CLCC1: variants seen among roughly 807,000 people sequenced by gnomAD.
CLCC1 encodes chloride channel CLIC-like protein 1.
In CLCC1, 39 loss-of-function variants were observed where a neutral mutation model predicts 63.3. The ratio of observed to expected loss-of-function variants is 0.62; its 90% CI spans 0.48 to 0.81. The LOEUF (loss-of-function observed/expected upper bound fraction) is 0.81. Ranked by LOEUF, CLCC1 falls within the 30% of genes least tolerant of loss-of-function variation. The pLI is 0.00. For synonymous variants in CLCC1, 217 were observed against 239.8 expected (o/e 0.90, Z 0.88); for missense variants, 549 against 669.4 (o/e 0.82, Z 1.98).
rs1034057380 is a variant in CLCC1, at chr1:108,963,446, G to C, written c.-258C>G. The C allele has an allele frequency of 2.8e-6, 2 of 702,250 alleles. No homozygotes were observed. The allele number at this position is 702,250 out of a possible 1,614,324, so 43.5% of individuals were successfully genotyped here. On this transcript the variant is annotated 5_prime_UTR_variant, in exon 1 of 13. Coordinates refer to ENST00000369969, the MANE Select transcript of CLCC1 (RefSeq NM_001377458.1). ...GTCGCACAGCTTGCCGCCGCCCAGGGTTTCAGCGTGCTTCCTGGGCCTCGT... is the reference window on the plus strand; with the variant it reads ...GTCGCACAGCTTGCCGCCGCCCAGGCTTTCAGCGTGCTTCCTGGGCCTCGT...
chr1:108,963,328 C>G (rs752943779), intron 1 of CLCC1, 33 bp downstream of exon 1: 45 of 691,830 alleles, frequency 6.5e-5, no homozygotes, highest in Non-Finnish European at 1.9e-5. Flanking sequence ...CCGCCCCACC[C>G]GCCGCACAAC....
rs1261711517 is a variant in CLCC1, at chr1:108,947,652, A to G, written c.298T>C (p.Tyr100His). 10 of 1,612,436 alleles carry G rather than the reference A, an allele frequency of 6.2e-6. No homozygotes were observed. Among genetic ancestry groups the G allele is most frequent in the East Asian group, 2.2e-5 (1 of 44,854 alleles). The change falls in exon 5 of 13, where the codon TAC (tyrosine) becomes CAC (histidine). Residue 100 changes from tyrosine to histidine, a missense_variant. Coordinates refer to ENST00000369969, the MANE Select transcript of CLCC1 (RefSeq NM_001377458.1). ...GCTTCAATTAAAATCTTATTTAAGT[A>G]TCTCCTAAAAACAGGATTGCTTTGA... The part of the protein sequence containing the change: ...ESQSNPVFRR[Y>H]LNKILIEAGK...
At chr1:108,963,311 G>A in intron 1 of CLCC1, 50 bp downstream of exon 1, 1 of 683,868 alleles carries the variant, frequency 1.5e-6, no homozygotes, top group Non-Finnish European at 2.7e-6. Context: ...GCGTAACGGC[G>A]GGTAACCCGC....
intron 2 of CLCC1, among the ~76,000 whole-genome samples, chr1:108,958,080 G>A (rs975652185): frequency 1.3e-5 from 2 of 151,336 alleles, no homozygotes; most frequent in Non-Finnish European, 2.9e-5. Flanking sequence ...GAGGTCAGGC[G>A]ATCAGAGGGC....
At chr1:108,945,238 A>C (rs145912149) in intron 5 of CLCC1, among the ~76,000 whole-genome samples, 144 of 152,262 alleles carry the variant, frequency 9.5e-4, no homozygotes, top group African/African-American at 3.3e-3. Flanking sequence ...GCCTTCTTGC[A>C]CTTAGAAACA....
rs559803459 is a variant in CLCC1, at chr1:108,947,892, C to G, written c.232-174G>C. 8.1e-4 allele frequency among the ~76,000 whole-genome samples: 123 copies of G among 152,302 alleles called. 2 individuals are homozygous for G. Among genetic ancestry groups the G allele is most frequent in the African/African-American group, 2.9e-3 (120 of 41,558 alleles). On this transcript the variant is annotated intron_variant, in intron 4 of 12. Coordinates refer to ENST00000369969, the MANE Select transcript of CLCC1 (RefSeq NM_001377458.1). ...CAGAGCTGGCCTGCTTCCCCATGTT[C>G]TCTTTGCAAAGGGCAAGTAGGCAAC...
intron 2 of CLCC1, 36 bp from the exon 3 acceptor site, chr1:108,950,484 T>C (rs142759665): frequency 7.6e-6 from 9 of 1,181,784 alleles, no homozygotes; most frequent in African/African-American, 1.6e-5. Flanking sequence ...TGAAATAGAA[T>C]TATTTTTTTA....
intron 1 of CLCC1, among the ~76,000 whole-genome samples, chr1:108,962,870 CA>C (rs34375249): frequency 2.0e-3 from 272 of 133,890 alleles, no homozygotes; most frequent in African/African-American, 3.8e-3. Context: ...GACTCCGTCT[CA>C]AAAAAAAAAA....
At position 108,932,218 on chromosome 1, in the gene CLCC1, G is replaced by A. The variant is rs1388825478; in HGVS notation, c.*329C>T. 1.2e-4 allele frequency: 18 copies of A among 152,316 alleles called. No homozygotes were observed. Among genetic ancestry groups the A allele is most frequent in the South Asian group, 4.1e-4 (2 of 4,830 alleles). 9.4% of individuals were successfully genotyped at this position (152,316 alleles called of 1,614,324 possible). A position where few individuals can be genotyped will look rare whatever the true frequency, so the allele number is the denominator to read the frequency against. ...GAACCTGGGAGGTGGAGGTTGCAGTGAGCCGAGATTGTACCACCTCACTCC... is the reference window on the plus strand; with the variant it reads ...GAACCTGGGAGGTGGAGGTTGCAGTAAGCCGAGATTGTACCACCTCACTCC... On this transcript the variant is annotated 3_prime_UTR_variant, in exon 13 of 13. Coordinates refer to ENST00000369969, the MANE Select transcript of CLCC1 (RefSeq NM_001377458.1).
intron 2 of CLCC1, among the ~76,000 whole-genome samples, chr1:108,961,143 A>G (rs973977262): frequency 6.6e-6 from 1 of 152,216 alleles, no homozygotes; most frequent in Non-Finnish European, 1.5e-5. Flanking sequence ...AAGACAGAAT[A>G]GAAGAATCAG....
At chr1:108,949,716 C>T (rs1654956763) in intron 4 of CLCC1, 104 bp downstream of exon 4, 3 of 579,312 alleles carry the variant, frequency 5.2e-6, no homozygotes, top group South Asian at 3.6e-5. Flanking sequence ...AAAAATCATA[C>T]GGTACACGGA....
At chr1:108,963,269 G>A in intron 1 of CLCC1, 92 bp downstream of exon 1, 2 of 652,448 alleles carry the variant, frequency 3.1e-6, no homozygotes, top group African/African-American at 1.8e-5. Flanking sequence ...CCTCCCCAGC[G>A]TCTGCGCCGC....
intron 12 of CLCC1, 157 bp downstream of exon 12, chr1:108,934,468 T>C (rs1263122078): frequency 3.6e-6 from 2 of 549,874 alleles, no homozygotes; most frequent in Non-Finnish European, 3.1e-6. Context: ...AAAGAGAAGA[T>C]GAAATGAAAA....
rs1418795313 is a variant in CLCC1 at position 108,943,393 on chromosome 1, A to G, written c.702+82T>C. 1.5e-5 allele frequency: 22 copies of G among 1,435,550 alleles called. No homozygotes were observed. The South Asian group carries it at 2.2e-4, about 14-fold the overall frequency. 88.9% of individuals were successfully genotyped at this position (1,435,550 alleles called of 1,614,324 possible). ...ACTGCCTCCAACCCACATCCAAGGC[A>G]AGATTGCTCTCAATGGATTAGAGTC... On this transcript the variant is annotated intron_variant, in intron 7 of 12. Transcript: ENST00000369969.
intron 2 of CLCC1, among the ~76,000 whole-genome samples, chr1:108,953,376 G>A (rs866811): frequency 0.57 from 87,158 of 152,006 alleles, 25,422 homozygotes; most frequent in African/African-American, 0.68. Flanking sequence ...AGGAGCTTCT[G>A]AAACTCCCAA....
At chr1:108,958,272 A>G (rs1656168944) in intron 2 of CLCC1, among the ~76,000 whole-genome samples, 1 of 151,442 alleles carries the variant, frequency 6.6e-6, no homozygotes, top group Admixed American at 6.5e-5. Context: ...GCAGTCTGAA[A>G]ATATTAAATG....
At chr1:108,937,465 T>TA in intron 10 of CLCC1, 47 bp from the exon 11 acceptor site, 6 of 1,442,898 alleles carry the variant, frequency 4.2e-6, no homozygotes, top group Non-Finnish European at 5.6e-6. Flanking sequence ...ATGGCTAACT[T>TA]ACAAAAGTTA....
rs200641997 is a variant in CLCC1 at position 108,937,305 on chromosome 1, A to G, written c.1155T>C (p.Ile385=). The change falls in exon 11 of 13, where the codon ATT becomes ATC. Residue 385 remains isoleucine, a synonymous_variant. Transcript: ENST00000369969. ...RPRDRRRQEE[I]DYRPDGGAGD... is the part of the protein sequence containing the mutation. ...CTGCTCCACCATCAGGTCTATAATC[A>G]ATTTCCTCCTGCCGTCTTCTATCCC... is the stretch of plus-strand genomic sequence containing the variant. The G allele has an allele frequency of 2.4e-4, 391 of 1,614,036 alleles. No homozygotes were observed. The highest frequency in any genetic ancestry group is 3.2e-4 in the Non-Finnish European group (379 of 1,180,032).
At chr1:108,938,371 G>C (rs1343948209) in intron 10 of CLCC1, among the ~76,000 whole-genome samples, 1 of 152,130 alleles carries the variant, frequency 6.6e-6, no homozygotes, top group African/African-American at 2.4e-5. Flanking sequence ...CAGTTTCAGA[G>C]ACTAAACTAT....
Sources: allele counts gnomAD v4.1 joint callset (sites outside exome capture counted in the v4.1 genomes callset), GRCh38; gene constraint gnomAD v4.1.1; transcripts MANE v1.5; gene names NCBI Gene and HGNC (gene_info 2026-07-23, HGNC 2026-07-21).